Variants in UVRAG observed in about 807,000 individuals in gnomAD.
The protein encoded by UVRAG is UV radiation resistance associated.
In UVRAG, 19 loss-of-function variants were observed where a neutral mutation model predicts 78.0. That is an observed-to-expected ratio of 0.24 (90% CI 0.17 to 0.36). The LOEUF (loss-of-function observed/expected upper bound fraction) is 0.36. Ranked by LOEUF, UVRAG falls within the 10% of genes least tolerant of loss-of-function variation. The probability of loss-of-function intolerance (pLI) is 1.00; values close to 1 mark genes in which losing one functional copy is unlikely to be tolerated. For synonymous variants in UVRAG, 323 were observed against 324.6 expected, an observed-to-expected ratio of 1.00 and a Z score of 0.05; for missense variants, 740 against 853.8, an observed-to-expected ratio of 0.87 and a Z score of 1.66.
At chr11:75,843,890 C>T (rs1177230667) in intron 1 of UVRAG, among the ~76,000 whole-genome samples, 2 of 149,390 alleles carry the variant, frequency 1.3e-5, no homozygotes, top group African/African-American at 2.5e-5. Flanking sequence ...GCCCAGGAGG[C>T]AGAGGTTGCA....
intron 4 of UVRAG, 108 bp from the exon 5 acceptor site, chr11:75,888,721 C>A (rs1279726999): frequency 2.4e-6 from 2 of 833,748 alleles, no homozygotes; most frequent in East Asian, 5.8e-5. Flanking sequence ...ATGTAGTCAG[C>A]CGGTTTCTCA....
chr11:75,841,084 C>T (rs11236557), intron 1 of UVRAG, among the ~76,000 whole-genome samples: 79,389 of 151,844 alleles, frequency 0.52, 22,556 homozygotes, highest in Admixed American at 0.69. Context: ...ATAAATTTGC[C>T]CGAAATAATC....
intron 4 of UVRAG, among the ~76,000 whole-genome samples, chr11:75,886,850 G>GA (rs915313579): frequency 2.8e-5 from 4 of 142,324 alleles, no homozygotes; most frequent in African/African-American, 1.2e-4. Context: ...CACGGCAGAA[G>GA]AATTTTTTTT....
intron 13 of UVRAG, among the ~76,000 whole-genome samples, chr11:76,098,447 A>AAAG (rs1325110792): frequency 1.3e-5 from 2 of 152,176 alleles, no homozygotes; most frequent in Non-Finnish European, 2.9e-5. Context: ...GATGCCAACC[A>AAAG]AAGACCCTTT....
intron 11 of UVRAG, among the ~76,000 whole-genome samples, chr11:76,012,525 G>A (rs550185080): frequency 3.3e-5 from 5 of 152,230 alleles, no homozygotes; most frequent in African/African-American, 1.2e-4. Context: ...TTCTATAGCA[G>A]CTGCTTTCTG....
chr11:76,132,875 G>C (rs1952536730), intron 14 of UVRAG, among the ~76,000 whole-genome samples: 1 of 152,110 alleles, frequency 6.6e-6, no homozygotes, highest in Non-Finnish European at 1.5e-5. Flanking sequence ...TAGATGTTTT[G>C]GTGACAACAA....
At chr11:75,910,012 T>C (rs7113952) in intron 5 of UVRAG, among the ~76,000 whole-genome samples, 2,494 of 152,274 alleles carry the variant, frequency 0.016, 68 homozygotes, top group African/African-American at 0.057. Context: ...AGTAAGACCA[T>C]TTGGACAGGA....
chr11:75,947,458 A>G (rs994725462), intron 6 of UVRAG, among the ~76,000 whole-genome samples: 1 of 152,180 alleles, frequency 6.6e-6, no homozygotes, highest in Non-Finnish European at 1.5e-5. Context: ...TTTAGTTGAG[A>G]TACGAGTTAT....
In UVRAG at chr11:75,830,258, G is replaced by T. The variant is rs1460611296; in HGVS notation, c.117+14734G>T. 1.3e-5 allele frequency among the ~76,000 whole-genome samples: 2 copies of T among 151,828 alleles called. 1 individual carries two copies. The highest frequency in any genetic ancestry group is 4.1e-4 in the South Asian group (2 of 4,826). On this transcript the variant is annotated intron_variant, in intron 1 of 14. Transcript: ENST00000356136. Reference sequence around the variant, plus strand: ...GAATATCTTTGAATATGGTTTTGAGGCTTCTTACAGCAAGTAAGTATTCTT... The same window carrying T: ...GAATATCTTTGAATATGGTTTTGAGTCTTCTTACAGCAAGTAAGTATTCTT...
At chr11:76,057,684 C>G (rs1951008121) in intron 12 of UVRAG, among the ~76,000 whole-genome samples, 1 of 152,066 alleles carries the variant, frequency 6.6e-6, no homozygotes, top group South Asian at 2.1e-4. Context: ...ACTTCAGTGA[C>G]ACTATACAAT....
At chr11:75,855,418 G>T (rs1946265879) in intron 2 of UVRAG, among the ~76,000 whole-genome samples, 1 of 152,344 alleles carries the variant, frequency 6.6e-6, no homozygotes, top group Non-Finnish European at 1.5e-5. Flanking sequence ...GAAGGGATTG[G>T]TGATTTCTGA....
chr11:76,026,496 T>C (rs1452007706), intron 12 of UVRAG, among the ~76,000 whole-genome samples: 6 of 152,182 alleles, frequency 3.9e-5, no homozygotes, highest in Non-Finnish European at 7.4e-5. Flanking sequence ...GATGGCCTTC[T>C]TCCAGAAATG....
chr11:76,030,037 ATACG>A (rs1439062853), intron 12 of UVRAG, among the ~76,000 whole-genome samples: 1 of 152,184 alleles, frequency 6.6e-6, no homozygotes. Flanking sequence ...TTAAACTAAG[ATACG>A]TACGTTGTTT....
chr11:75,920,027 T>G (rs1591018536), intron 6 of UVRAG, among the ~76,000 whole-genome samples: 1 of 108,942 alleles, frequency 9.2e-6, no homozygotes, highest in Non-Finnish European at 1.8e-5. Flanking sequence ...TTTTTTTTTT[T>G]TTTTTTTTTT....
chr11:75,851,832 T>C, intron 1 of UVRAG, 51 bp from the exon 2 acceptor site: 1 of 1,464,556 alleles, frequency 6.8e-7, no homozygotes, highest in Non-Finnish European at 9.4e-7. Context: ...CCAGAAAATT[T>C]TATAGGAGGA....
At chr11:76,113,163 C>G (rs1952110916) in intron 13 of UVRAG, among the ~76,000 whole-genome samples, 1 of 152,018 alleles carries the variant, frequency 6.6e-6, no homozygotes, top group Admixed American at 6.5e-5. Context: ...CAGCAGTGAA[C>G]AGTGTTTATG....
chr11:76,027,903 G>A (rs570466862), intron 12 of UVRAG, among the ~76,000 whole-genome samples: 13 of 152,198 alleles, frequency 8.5e-5, no homozygotes, highest in Admixed American at 3.3e-4. Context: ...ATAATGCAGG[G>A]ATAAAAACTG....
At chr11:75,840,893 T>C (rs1945893512) in intron 1 of UVRAG, among the ~76,000 whole-genome samples, 1 of 152,212 alleles carries the variant, frequency 6.6e-6, no homozygotes, top group African/African-American at 2.4e-5. Flanking sequence ...GAGAGTGCTA[T>C]AATATAGAGA....
rs1946122442 is a variant in UVRAG at position 75,850,102 on chromosome 11, T to TA, written c.118-1780dup. Among the ~76,000 whole-genome samples the TA allele has an allele frequency of 2.6e-5, 4 of 151,786 alleles. No homozygotes were observed. In the South Asian group the frequency reaches 8.3e-4, roughly 31 times the overall value. ...AAAGCAGCCAATCAGAGGCTGAAGT[T>TA]ACAAAGTTACACTCCTATGCAAGCA... is the stretch of plus-strand genomic sequence containing the variant. On this transcript the variant is annotated intron_variant, in intron 1 of 14. Coordinates refer to ENST00000356136, the MANE Select transcript of UVRAG (RefSeq NM_003369.4).
Sources: gnomAD v4.1 joint callset for allele counts (sites outside exome capture counted in the v4.1 genomes callset) on GRCh38, gnomAD v4.1.1 for gene constraint, MANE v1.5 for transcripts, NCBI Gene and HGNC (gene_info 2026-07-23, HGNC 2026-07-21) for gene names.